Variants in ANKRD11 observed in about 807,000 individuals in gnomAD.
The protein encoded by ANKRD11 is ankyrin repeat domain-containing protein 11.
A neutral mutation model predicts 195.7 loss-of-function variants in ANKRD11; 17 were observed. The ratio of observed to expected loss-of-function variants is 0.09; its 90% CI spans 0.06 to 0.13. The LOEUF is 0.13. ANKRD11 is among the 10% of genes least tolerant of loss of function. ANKRD11 has a pLI of 1.00. For missense variants in ANKRD11, 3,735 were observed against 3,566.1 expected, an observed-to-expected ratio of 1.05 and a Z score of -1.21; for synonymous variants, 1,953 against 1,528.1, an observed-to-expected ratio of 1.28 and a Z score of -6.49.
chr16:89,480,011 T>A (rs989662263), intron 1 of ANKRD11, among the ~76,000 whole-genome samples: 2 of 149,484 alleles, frequency 1.3e-5, no homozygotes, highest in African/African-American at 2.5e-5. Flanking sequence ...CTCGGGAGGC[T>A]GAGGCAGGAG....
Position 89,273,742 on chromosome 16 carries a change from A to G in ANKRD11, c.7713+1072T>C, listed in dbSNP as rs1261978387. On this transcript the variant is annotated intron_variant, in intron 11 of 12. Coordinates refer to ENST00000301030, the MANE Select transcript of ANKRD11 (RefSeq NM_013275.6). ...ATTTGTCATTGTGTATATGAGAGACATTGATAAAATACATCCCCAAAGAAA... is the reference window on the plus strand; with the variant it reads ...ATTTGTCATTGTGTATATGAGAGACGTTGATAAAATACATCCCCAAAGAAA... Among the ~76,000 whole-genome samples the G allele has an allele frequency of 5.3e-5, 8 of 152,210 alleles. No individual in the cohort carries two copies. The South Asian group carries it at 1.7e-3, about 31-fold the overall frequency.
chr16:89,282,353 G>C lies in ANKRD11; in HGVS notation c.4189C>G (p.Leu1397Val), dbSNP rs1597452801. 6.2e-7 allele frequency: 1 copy of C among 1,614,168 alleles called. No homozygotes were observed. Among genetic ancestry groups the C allele is most frequent in the African/African-American group, 1.3e-5 (1 of 75,024 alleles). Residue 1397 changes from leucine to valine, a missense_variant, in exon 9 of 13, where the codon CTG becomes GTG. By Grantham distance (32) the Leu-to-Val change is conservative. Transcript: ENST00000301030. Reference sequence around the variant, plus strand: ...GAAACTCCGTAAGCATCCGCCTCCAGGAAGTCCTTTTCGTACTGGCCGGAG... The same window carrying C: ...GAAACTCCGTAAGCATCCGCCTCCACGAAGTCCTTTTCGTACTGGCCGGAG... ...KDSGQYEKDFLEADAYGVSYN... is the reference protein window; with the variant it reads ...KDSGQYEKDFVEADAYGVSYN...
At position 89,283,585 on chromosome 16, in the gene ANKRD11, T is replaced by C. The variant is rs760990441; in HGVS notation, c.2957A>G (p.Lys986Arg). The stretch of plus-strand genomic sequence containing the variant: ...CCCAAAGTCGCCGTCGGACTTGTCC[T>C]TGAAGCCACTCTCGCAGCCACACTC... Reference protein sequence around the residue: ...LKECGCESGFKDKSDGDFGKG... With the variant: ...LKECGCESGFRDKSDGDFGKG... The change falls in exon 9 of 13, where the codon AAG becomes AGG. Residue 986 changes from lysine to arginine, a missense_variant. By Grantham distance (26) the Lys-to-Arg change is conservative. Transcript: ENST00000301030. The surrounding 1 kb of genome is among the most constrained non-coding windows in gnomAD (Gnocchi z 4.3). 4.3e-6 allele frequency: 7 copies of C among 1,610,334 alleles called. No individual in the cohort carries two copies. The highest frequency in any genetic ancestry group is 4.0e-5 in the African/African-American group (3 of 74,942).
At chr16:89,337,554 A>G (rs1366508997) in intron 2 of ANKRD11, among the ~76,000 whole-genome samples, 4 of 143,664 alleles carry the variant, frequency 2.8e-5, no homozygotes, top group African/African-American at 5.2e-5. Flanking sequence ...CTCCTGCCTC[A>G]ACCTCCCGAG....
At chr16:89,455,673 G>C (rs1188854261) in intron 1 of ANKRD11, among the ~76,000 whole-genome samples, 1 of 152,104 alleles carries the variant, frequency 6.6e-6, no homozygotes, top group African/African-American at 2.4e-5. Flanking sequence ...GAACTTACCT[G>C]CTCACACACC....
intron 11 of ANKRD11, chr16:89,271,617 G>T (rs1433513999): frequency 6.4e-6 from 1 of 156,412 alleles, no homozygotes; most frequent in African/African-American, 2.4e-5. Flanking sequence ...TTCCACAAAG[G>T]TGCCAAGAAC....
At chr16:89,329,765 C>T (rs1218313080) in intron 2 of ANKRD11, among the ~76,000 whole-genome samples, 2 of 152,124 alleles carry the variant, frequency 1.3e-5, no homozygotes, top group East Asian at 3.9e-4. Flanking sequence ...TCCCAGCAGT[C>T]TGGGAGGCCC....
chr16:89,327,847 G>T (rs548153896), intron 2 of ANKRD11, among the ~76,000 whole-genome samples: 1 of 152,246 alleles, frequency 6.6e-6, no homozygotes, highest in Non-Finnish European at 1.5e-5. Flanking sequence ...GTCAGACATG[G>T]CAACAAAAGC....
At chr16:89,277,897 G>A (rs1205075760) in intron 9 of ANKRD11, 1 of 156,812 alleles carries the variant, frequency 6.4e-6, no homozygotes, top group Non-Finnish European at 1.4e-5. Context: ...AGCCAGGTCA[G>A]GGCCAGCACG....
chr16:89,375,467 T>G (rs2040382202), intron 2 of ANKRD11, among the ~76,000 whole-genome samples: 1 of 150,724 alleles, frequency 6.6e-6, no homozygotes, highest in South Asian at 2.1e-4. Flanking sequence ...TCTATCTCTT[T>G]TTTTTTTTGG....
At chr16:89,271,587 A>T (rs1431733228) in intron 11 of ANKRD11, 1 of 158,024 alleles carries the variant, frequency 6.3e-6, no homozygotes, top group Non-Finnish European at 1.4e-5. Context: ...AGAAACCCAC[A>T]CACCTGCAGG....
At chr16:89,474,095 C>T (rs775539511) in intron 1 of ANKRD11, among the ~76,000 whole-genome samples, 8 of 152,244 alleles carry the variant, frequency 5.3e-5, no homozygotes, top group South Asian at 4.1e-4. Flanking sequence ...CAAAGACTTG[C>T]GTCCCACAAT....
At chr16:89,393,712 G>A (rs767717881) in intron 2 of ANKRD11, among the ~76,000 whole-genome samples, 3 of 151,918 alleles carry the variant, frequency 2.0e-5, no homozygotes, top group South Asian at 4.2e-4. Flanking sequence ...GGAAGCAGCC[G>A]GGCCGATGGA....
intron 2 of ANKRD11, among the ~76,000 whole-genome samples, chr16:89,358,207 C>T (rs1320667170): frequency 1.3e-5 from 2 of 152,222 alleles, no homozygotes; most frequent in Non-Finnish European, 2.9e-5. Flanking sequence ...AGGCCACAGC[C>T]CCCACACCTC....
Position 89,378,950 on chromosome 16 carries a change from T to C in ANKRD11, c.-60+39334A>G, listed in dbSNP as rs535947131. ...CGAGGTGGGAAGGGCTTTCCAAGGC[T>C]GAAGACCTTTTTGGGTCAAGGTTCT... On this transcript the variant is annotated intron_variant, in intron 2 of 12. Coordinates refer to ENST00000301030, the MANE Select transcript of ANKRD11 (RefSeq NM_013275.6). Among the ~76,000 whole-genome samples the C allele has an allele frequency of 2.6e-5, 4 of 152,342 alleles. No individual in the cohort carries two copies. In the East Asian group the frequency reaches 7.7e-4, roughly 29 times the overall value.
chr16:89,274,961 AAGG>A lies in ANKRD11; in HGVS notation c.7570-7_7570-5del, dbSNP rs778645389. The A allele has an allele frequency of 7.4e-6, 12 of 1,613,220 alleles. No homozygotes were observed. The highest frequency in any genetic ancestry group is 3.3e-5 in the South Asian group (3 of 91,080). On this transcript the variant is annotated splice_region_variant and splice_polypyrimidine_tract_variant and intron_variant, in intron 10 of 12. Coordinates refer to ENST00000301030, the MANE Select transcript of ANKRD11 (RefSeq NM_013275.6). Reference sequence around the variant, plus strand: ...CACAGGATACGATCAGCTTCTCCTGAAGGAGGAGAGGAGTAGAGTGAGCTGGGA... The same window carrying A: ...CACAGGATACGATCAGCTTCTCCTGAAGGAGAGGAGTAGAGTGAGCTGGGA...
At chr16:89,322,435 T>C (rs973084876) in intron 2 of ANKRD11, among the ~76,000 whole-genome samples, 3 of 152,218 alleles carry the variant, frequency 2.0e-5, no homozygotes, top group African/African-American at 7.2e-5. Flanking sequence ...AAATATCGAA[T>C]GGTGCCCAAG....
At chr16:89,397,507 G>A (rs1387201143) in intron 2 of ANKRD11, among the ~76,000 whole-genome samples, 2 of 152,208 alleles carry the variant, frequency 1.3e-5, no homozygotes, top group African/African-American at 4.8e-5. Context: ...GCTGCTATCC[G>A]CGCTCCTTTC....
chr16:89,303,582 C>A (rs1323707048), intron 4 of ANKRD11, among the ~76,000 whole-genome samples: 1 of 152,214 alleles, frequency 6.6e-6, no homozygotes, highest in East Asian at 1.9e-4. Flanking sequence ...CCCAGATGTG[C>A]TGGCCCAGAG....
Sources: gnomAD v4.1 joint callset for allele counts (sites outside exome capture counted in the v4.1 genomes callset) on GRCh38, gnomAD v4.1.1 for gene constraint, Gnocchi (gnomAD v3.1) non-coding constraint, MANE v1.5 for transcripts, NCBI Gene and HGNC (gene_info 2026-07-23, HGNC 2026-07-21) for gene names.